Variants in AURKA observed in about 807,000 individuals in gnomAD.
AURKA encodes the protein aurora 2.
AURKA carries 12 observed loss-of-function variants against 40.9 expected under a neutral mutation model. The ratio of observed to expected loss-of-function variants is 0.29; its 90% CI spans 0.19 to 0.48. The LOEUF is 0.48. Ranked by LOEUF, AURKA falls within the 20% of genes least tolerant of loss-of-function variation. AURKA has a pLI of 0.99. For synonymous variants in AURKA, 170 were observed against 164.3 expected (o/e 1.03, Z -0.26); for missense variants, 322 against 462.1 (o/e 0.70, Z 2.78).
intron 5 of AURKA, among the ~76,000 whole-genome samples, chr20:56,382,177 A>G (rs1397762297): frequency 2.1e-5 from 3 of 145,900 alleles, no homozygotes; most frequent in Non-Finnish European, 4.6e-5. Context: ...AAAAAAAAGG[A>G]AAAAAAAAAA....
rs79241616 is a variant in AURKA, at chr20:56,391,410, T to C, written c.-6+758A>G. On this transcript the variant is annotated intron_variant, in intron 1 of 8. Transcript: ENST00000395915. The stretch of plus-strand genomic sequence containing the variant: ...AGGTCTAAAAAAACAGATTCTGCAT[T>C]TTAACGTCCCCAGACGATTTGTATG... Among the ~76,000 whole-genome samples, 1,492 of 152,366 alleles carry C rather than the reference T, an allele frequency of 9.8e-3. 21 individuals are homozygous for C. The highest frequency in any genetic ancestry group is 0.033 in the African/African-American group (1,381 of 41,580).
intron 1 of AURKA, among the ~76,000 whole-genome samples, chr20:56,389,133 GTCCTGTCTT>G (rs1477342326): frequency 6.6e-6 from 1 of 152,114 alleles, no homozygotes; most frequent in East Asian, 1.9e-4. Context: ...CCACCTAGTC[GTCCTGTCTT>G]TCCCTCCTTG....
intron 7 of AURKA, among the ~76,000 whole-genome samples, chr20:56,371,287 G>A (rs756138102): frequency 5.3e-5 from 8 of 151,484 alleles, no homozygotes; most frequent in Non-Finnish European, 7.4e-5. Flanking sequence ...ATGGTGAAAC[G>A]CCGTATCTAC....
intron 7 of AURKA, 37 bp from the exon 8 acceptor site, chr20:56,370,696 C>T (rs751156893): frequency 2.2e-5 from 36 of 1,610,692 alleles, no homozygotes; most frequent in Middle Eastern, 3.3e-4. Context: ...ATGTGCTTCT[C>T]GTTTTATGAT....
At chr20:56,378,136 C>T (rs1393934185) in intron 6 of AURKA, among the ~76,000 whole-genome samples, 4 of 152,048 alleles carry the variant, frequency 2.6e-5, no homozygotes, top group East Asian at 3.9e-4. Flanking sequence ...CCAGTCTGGG[C>T]GACAGTGAGA....
rs1320947644 is a variant in AURKA at position 56,373,464 on chromosome 20, T to G, written c.798A>C (p.Ser266=). 3 of 1,614,238 alleles carry G rather than the reference T, an allele frequency of 1.9e-6. No individual in the cohort carries two copies. The African/African-American group carries it at 4.0e-5, about 22-fold the overall frequency. Reference sequence around the variant, plus strand: ...AATCTGCAATTTTAAGCTCTCCAGCTGATCCAAGAAGTAAGTTCTCTGGCT... The same window carrying G: ...AATCTGCAATTTTAAGCTCTCCAGCGGATCCAAGAAGTAAGTTCTCTGGCT... ...DIKPENLLLG[S]AGELKIADFG... Residue 266 remains serine (S), a synonymous_variant, in exon 7 of 9, where the codon TCA becomes TCC. Coordinates refer to ENST00000395915, the MANE Select transcript of AURKA (RefSeq NM_198437.3). The surrounding 1 kb of genome is among the most constrained non-coding windows in gnomAD (Gnocchi z 5.0).
intron 6 of AURKA, among the ~76,000 whole-genome samples, chr20:56,378,514 T>C (rs1985249203): frequency 6.6e-6 from 1 of 152,218 alleles, no homozygotes; most frequent in African/African-American, 2.4e-5. Context: ...CCGTATGAGC[T>C]GGCAATAGCA....
intron 1 of AURKA, among the ~76,000 whole-genome samples, chr20:56,389,984 C>A (rs1405807664): frequency 6.6e-6 from 1 of 152,196 alleles, no homozygotes; most frequent in Non-Finnish European, 1.5e-5. Flanking sequence ...CTTACCCTGT[C>A]ATGGTCCATT....
chr20:56,383,378 TGA>T (rs1985976992), intron 4 of AURKA, among the ~76,000 whole-genome samples: 1 of 152,128 alleles, frequency 6.6e-6, no homozygotes, highest in African/African-American at 2.4e-5. Context: ...CCGTCAGGTG[TGA>T]GAGTCAGTGA....
Position 56,388,200 on chromosome 20 carries a change from T to C in AURKA, c.-3A>G. ...CAGTTTTCTTTAGATCGGTCCATGA[T>C]GCCTGAAAAGAAAAAGAAGAACCTT... On this transcript the variant is annotated splice_region_variant and 5_prime_UTR_variant, in exon 2 of 9. Transcript: ENST00000395915. The C allele has an allele frequency of 2.9e-6, 3 of 1,047,426 alleles. No individual in the cohort carries two copies. Among genetic ancestry groups the C allele is most frequent in the East Asian group, 8.9e-5 (1 of 11,244 alleles). The allele number at this position is 1,047,426 out of a possible 1,614,324, so 64.9% of individuals were successfully genotyped here. A position where few individuals can be genotyped will look rare whatever the true frequency, so the allele number is the denominator to read the frequency against.
intron 7 of AURKA, 148 bp from the exon 8 acceptor site, chr20:56,370,807 A>G (rs1984059049): frequency 9.1e-6 from 8 of 876,652 alleles, no homozygotes; most frequent in Non-Finnish European, 1.4e-5. Flanking sequence ...ATAAATTCCC[A>G]TAGGAAACAG....
rs1984516741 is a variant in AURKA, at chr20:56,373,341, A to T, written c.854+67T>A. 1 of 1,609,320 alleles carries T rather than the reference A, an allele frequency of 6.2e-7. No individual in the cohort carries two copies. The highest frequency in any genetic ancestry group is 8.5e-7 in the Non-Finnish European group (1 of 1,177,420). ...CAAAATCTACACTGAAATATTTTAC[A>T]TTTAGCTCACGGTTAGCTCCCAGGG... is the stretch of plus-strand genomic sequence containing the variant. On this transcript the variant is annotated intron_variant, in intron 7 of 8. Transcript: ENST00000395915. The surrounding 1 kb of genome is among the most constrained non-coding windows in gnomAD (Gnocchi z 5.0).
intron 4 of AURKA, among the ~76,000 whole-genome samples, chr20:56,383,481 G>A (rs925549872): frequency 1.3e-5 from 2 of 152,196 alleles, no homozygotes; most frequent in Admixed American, 6.5e-5. Context: ...CCATGACAAC[G>A]CTGAAGACCA....
At chr20:56,384,229 C>A in intron 4 of AURKA, 41 bp downstream of exon 4, 1 of 1,515,006 alleles carries the variant, frequency 6.6e-7, no homozygotes, top group Non-Finnish European at 9.1e-7. Context: ...ATAATATATT[C>A]TAGTAGAACA....
intron 3 of AURKA, 79 bp from the exon 4 acceptor site, chr20:56,384,403 G>T: frequency 9.4e-7 from 1 of 1,067,960 alleles, no homozygotes; most frequent in Non-Finnish European, 1.4e-6. Context: ...GTGAATCAAA[G>T]AATTGGTCAC....
intron 1 of AURKA, among the ~76,000 whole-genome samples, chr20:56,389,789 T>C (rs1234081559): frequency 6.6e-6 from 1 of 152,204 alleles, no homozygotes; most frequent in African/African-American, 2.4e-5. Context: ...GCCAAAAGCC[T>C]TGGCATAATA....
chr20:56,369,889 G>A lies in AURKA; in HGVS notation c.*269C>T, dbSNP rs1016030094. 10 of 538,290 alleles carry A rather than the reference G, an allele frequency of 1.9e-5. No individual in the cohort carries two copies. The highest frequency in any genetic ancestry group is 3.4e-5 in the Non-Finnish European group (10 of 296,534). 33.3% of individuals were successfully genotyped at this position (538,290 alleles called of 1,614,324 possible). ...ACACCATGCCTAGCACAGGCTGACGGGGCGGCTGCAGTCGAACCTTGCCTC... is the reference window on the plus strand; with the variant it reads ...ACACCATGCCTAGCACAGGCTGACGAGGCGGCTGCAGTCGAACCTTGCCTC... On this transcript the variant is annotated 3_prime_UTR_variant, in exon 9 of 9. Coordinates refer to ENST00000395915, the MANE Select transcript of AURKA (RefSeq NM_198437.3).
chr20:56,387,167 T>C (rs1986471729), intron 2 of AURKA, among the ~76,000 whole-genome samples: 1 of 152,282 alleles, frequency 6.6e-6, no homozygotes, highest in African/African-American at 2.4e-5. Flanking sequence ...ATTATTATTA[T>C]TTTTGAGATG....
At chr20:56,389,748 G>A (rs985820803) in intron 1 of AURKA, among the ~76,000 whole-genome samples, 2 of 152,094 alleles carry the variant, frequency 1.3e-5, no homozygotes, top group African/African-American at 2.4e-5. Context: ...TCATCTCAGT[G>A]CATGGCAAAC....
Sources: allele counts gnomAD v4.1 joint callset (sites outside exome capture counted in the v4.1 genomes callset), GRCh38; gene constraint gnomAD v4.1.1; non-coding constraint Gnocchi (gnomAD v3.1); transcripts MANE v1.5; gene names NCBI Gene and HGNC (gene_info 2026-07-23, HGNC 2026-07-21).